ACOXL: variants seen among roughly 807,000 people sequenced by gnomAD.
The protein encoded by ACOXL is acyl-CoA oxidase like, also known as acyl-coenzyme A oxidase-like protein.
In ACOXL, 70 loss-of-function variants were observed where a neutral mutation model predicts 71.9. That is an observed-to-expected ratio of 0.97 (90% CI 0.80 to 1.19). The LOEUF (loss-of-function observed/expected upper bound fraction) is 1.19, where lower values mean the gene tolerates loss of function less well. Ranked by LOEUF, ACOXL falls within the 50% of genes most tolerant of loss-of-function variation. The probability of loss-of-function intolerance (pLI) is 0.00; values close to 1 mark genes in which losing one functional copy is unlikely to be tolerated. For missense variants in ACOXL, 703 were observed against 736.3 expected, an observed-to-expected ratio of 0.95 and a Z score of 0.52; for synonymous variants, 253 against 281.6, an observed-to-expected ratio of 0.90 and a Z score of 1.02.
intron 5 of ACOXL, 77 bp downstream of exon 5, chr2:110,794,251 C>A: frequency 7.3e-7 from 1 of 1,368,826 alleles, no homozygotes; most frequent in Non-Finnish European, 1.0e-6. Flanking sequence ...CTTTCTGTGT[C>A]CAGCTTCACA....
chr2:111,090,580 A>AGAG (rs2068469802), intron 16 of ACOXL, among the ~76,000 whole-genome samples: 1 of 152,210 alleles, frequency 6.6e-6, no homozygotes, highest in Non-Finnish European at 1.5e-5. Flanking sequence ...AAAGCCACAG[A>AGAG]CTGTCAACAG....
At chr2:110,829,790 GA>G (rs1334543208) in intron 9 of ACOXL, among the ~76,000 whole-genome samples, 1 of 152,198 alleles carries the variant, frequency 6.6e-6, no homozygotes, top group Non-Finnish European at 1.5e-5. Flanking sequence ...CATCAAATCT[GA>G]AGTAACCACC....
intron 5 of ACOXL, chr2:110,795,780 T>A (rs10208850): frequency 1.3e-3 from 192 of 152,266 alleles, no homozygotes; most frequent in African/African-American, 4.5e-3. Flanking sequence ...CGTATTAAGG[T>A]CACCTTGCTG....
chr2:111,057,988 TGGG>T lies in ACOXL; in HGVS notation c.1440+8702_1440+8704del, dbSNP rs569557268. Among the ~76,000 whole-genome samples, 74 of 152,052 alleles carry T rather than the reference TGGG, an allele frequency of 4.9e-4. No individual in the cohort carries two copies. In the Middle Eastern group the frequency reaches 0.01, roughly 21 times the overall value. On this transcript the variant is annotated intron_variant, in intron 16 of 17. Transcript: ENST00000439055. ...ATGCGAGTCTAGCACGGCTTGCGGG[TGGG>T]GTGTTCCTTCTTGAATGATCTGTTC...
intron 11 of ACOXL, among the ~76,000 whole-genome samples, chr2:110,921,462 A>G (rs13024966): frequency 8.0e-6 from 1 of 125,132 alleles, no homozygotes; most frequent in African/African-American, 3.1e-5. Flanking sequence ...GCGCCATCTC[A>G]GCTCACTTGC....
chr2:110,882,771 G>A (rs1696815822), intron 10 of ACOXL, among the ~76,000 whole-genome samples: 2 of 152,044 alleles, frequency 1.3e-5, no homozygotes, highest in South Asian at 4.1e-4. Context: ...CCTTTTTGAT[G>A]ACCTTTTCAG....
Position 111,097,964 on chromosome 2 carries a change from A to G in ACOXL, c.1542+4998A>G, listed in dbSNP as rs555312303. Reference sequence around the variant, plus strand: ...TTAGCAACTTGCTTTTATTTTAAAGAATAGATTATGGAAGAGAGAAATACT... The same window carrying G: ...TTAGCAACTTGCTTTTATTTTAAAGGATAGATTATGGAAGAGAGAAATACT... On this transcript the variant is annotated intron_variant, in intron 17 of 17. Coordinates refer to ENST00000439055, the MANE Select transcript of ACOXL (RefSeq NM_001142807.4). 2.9e-4 allele frequency among the ~76,000 whole-genome samples: 44 copies of G among 152,346 alleles called. 1 individual carries two copies. The highest frequency in any genetic ancestry group is 9.1e-4 in the Admixed American group (14 of 15,306).
chr2:110,987,075 C>T (rs778698777), intron 12 of ACOXL, 33 bp from the exon 13 acceptor site: 3 of 1,527,830 alleles, frequency 2.0e-6, no homozygotes, highest in South Asian at 1.2e-5. Context: ...TTTTACACTG[C>T]TGAGACTGAT....
chr2:110,925,074 T>C (rs1027866817), intron 11 of ACOXL, among the ~76,000 whole-genome samples: 6 of 152,214 alleles, frequency 3.9e-5, no homozygotes, highest in Admixed American at 1.3e-4. Flanking sequence ...TTCTTATTTC[T>C]GAGCATTAGG....
chr2:111,018,604 G>A (rs2064580139), intron 14 of ACOXL, among the ~76,000 whole-genome samples: 1 of 152,158 alleles, frequency 6.6e-6, no homozygotes, highest in Non-Finnish European at 1.5e-5. Flanking sequence ...TCTAGGGAGA[G>A]CCTTCTGAGG....
At chr2:111,086,986 A>G (rs1371706385) in intron 16 of ACOXL, among the ~76,000 whole-genome samples, 1 of 152,240 alleles carries the variant, frequency 6.6e-6, no homozygotes, top group Non-Finnish European at 1.5e-5. Flanking sequence ...TATAAAAATC[A>G]GTAGCATTCC....
chr2:110,852,219 G>A (rs892911715), intron 10 of ACOXL, among the ~76,000 whole-genome samples: 1 of 152,194 alleles, frequency 6.6e-6, no homozygotes, highest in African/African-American at 2.4e-5. Flanking sequence ...CCCTGGCCTG[G>A]TGGATCGCTT....
intron 17 of ACOXL, among the ~76,000 whole-genome samples, chr2:111,095,210 A>G (rs1482013136): frequency 1.0e-5 from 1 of 95,658 alleles, no homozygotes; most frequent in Non-Finnish European, 2.0e-5. Context: ...ATGGAAGAAT[A>G]CTTTTTAATT....
At chr2:110,798,773 T>C in intron 6 of ACOXL, 49 bp downstream of exon 6, 1 of 1,541,694 alleles carries the variant, frequency 6.5e-7, no homozygotes, top group Non-Finnish European at 9.0e-7. Flanking sequence ...ATTAGTACTA[T>C]TTACCAGTGA....
chr2:110,940,352 C>T lies in ACOXL; in HGVS notation c.1059+6710C>T, dbSNP rs140706334. Reference sequence around the variant, plus strand: ...GGTGATCAAAAGAAGCTGGAGTTTCCGGGGAATAGATTTCTCAGCCCTGCT... The same window carrying T: ...GGTGATCAAAAGAAGCTGGAGTTTCTGGGGAATAGATTTCTCAGCCCTGCT... On this transcript the variant is annotated intron_variant, in intron 12 of 17. Coordinates refer to ENST00000439055, the MANE Select transcript of ACOXL (RefSeq NM_001142807.4). Among the ~76,000 whole-genome samples the T allele has an allele frequency of 7.4e-3, 1,126 of 152,222 alleles. 9 individuals carry two copies. Among genetic ancestry groups the T allele is most frequent in the Middle Eastern group, 0.051 (15 of 294 alleles).
At chr2:110,838,709 C>T (rs948957543) in intron 9 of ACOXL, among the ~76,000 whole-genome samples, 1 of 152,236 alleles carries the variant, frequency 6.6e-6, no homozygotes, top group African/African-American at 2.4e-5. Flanking sequence ...CTACACTGTT[C>T]CAGCCTTTGT....
At chr2:111,056,786 T>C (rs1269826615) in intron 16 of ACOXL, among the ~76,000 whole-genome samples, 1 of 69,628 alleles carries the variant, frequency 1.4e-5, no homozygotes, top group South Asian at 4.5e-4. Context: ...AGACTCTGTC[T>C]CCAAAAAAAA....
chr2:110,815,188 AACTC>A (rs1411906739), intron 9 of ACOXL, among the ~76,000 whole-genome samples: 4 of 152,166 alleles, frequency 2.6e-5, no homozygotes, highest in Non-Finnish European at 1.5e-5. Flanking sequence ...ATCTTGTGAG[AACTC>A]ACTCACTATC....
intron 10 of ACOXL, among the ~76,000 whole-genome samples, chr2:110,895,675 G>C (rs960945053): frequency 3.3e-5 from 5 of 151,860 alleles, no homozygotes. Flanking sequence ...AATAGAGAGA[G>C]AGAGAGAGAG....
Sources: gnomAD v4.1 joint callset for allele counts (sites outside exome capture counted in the v4.1 genomes callset) on GRCh38, gnomAD v4.1.1 for gene constraint, MANE v1.5 for transcripts, NCBI Gene and HGNC (gene_info 2026-07-23, HGNC 2026-07-21) for gene names.